The following NSD2 variants were observed in gnomAD, a reference collection of about 807,000 sequenced individuals.
NSD2 encodes histone-lysine N-methyltransferase NSD2.
NSD2 carries 12 observed loss-of-function variants against 139.0 expected under a neutral mutation model. That is an observed-to-expected ratio of 0.09 (90% CI 0.06 to 0.14). NSD2 has a LOEUF of 0.14. NSD2 is among the 10% of genes least tolerant of loss of function. The pLI is 1.00. For missense variants in NSD2, 1,155 were observed against 1,745.0 expected (o/e 0.66, Z 6.02); for synonymous variants, 669 against 648.7 (o/e 1.03, Z -0.48).
chr4:1,969,358 C>T (rs554577379), intron 18 of NSD2, among the ~76,000 whole-genome samples: 18 of 152,212 alleles, frequency 1.2e-4, no homozygotes, highest in Non-Finnish European at 2.1e-4. Context: ...CCAGCCAGTA[C>T]CCGCTCCAAG....
chr4:1,953,225 C>A (rs761882008), intron 11 of NSD2, 99 bp from the exon 12 acceptor site: 1 of 1,601,006 alleles, frequency 6.2e-7, no homozygotes, highest in Non-Finnish European at 8.5e-7. Flanking sequence ...AGCATGGCTG[C>A]CTCTGAAGAG....
intron 18 of NSD2, among the ~76,000 whole-genome samples, chr4:1,968,584 C>T (rs1022832467): frequency 2.6e-5 from 4 of 151,676 alleles, no homozygotes; most frequent in Admixed American, 6.6e-5. Context: ...GTAGAACCTG[C>T]GGGAGGAAGA....
Position 1,963,207 on chromosome 4 carries a change from C to T in NSD2, c.3372+2056C>T, listed in dbSNP as rs549633695. On this transcript the variant is annotated intron_variant, in intron 18 of 21. Coordinates refer to ENST00000508803, the MANE Select transcript of NSD2 (RefSeq NM_001042424.3). ...CAAAAAGGCAAGATGGGAAGCAGGTCCATAAGGGCGAGAGTGGGTTTGTAC... is the reference window on the plus strand; with the variant it reads ...CAAAAAGGCAAGATGGGAAGCAGGTTCATAAGGGCGAGAGTGGGTTTGTAC... 3.3e-5 allele frequency among the ~76,000 whole-genome samples: 5 copies of T among 152,302 alleles called. 2 individuals carry two copies. The highest frequency in any genetic ancestry group is 3.3e-4 in the Admixed American group (5 of 15,302).
chr4:1,944,097 A>G (rs1723379419), intron 9 of NSD2: 10 of 1,066,316 alleles, frequency 9.4e-6, no homozygotes, highest in Non-Finnish European at 1.1e-5. Context: ...GGGTGGGGTG[A>G]CATCGTTCCC....
rs891951317 is a variant in NSD2, at chr4:1,942,903, G to T, written c.1881+3125G>T. The T allele has an allele frequency of 9.4e-7, 1 of 1,058,206 alleles. No individual in the cohort carries two copies. Among genetic ancestry groups the T allele is most frequent in the African/African-American group, 1.7e-5 (1 of 60,564 alleles). The allele number at this position is 1,058,206 out of a possible 1,614,324, so 65.6% of individuals were successfully genotyped here. ...TACTACACTAATTTCCAACATAAGA[G>T]GCAGGAAGAGTTTTGATTCTATCCT... On this transcript the variant is annotated intron_variant, in intron 9 of 21. Transcript: ENST00000508803. The surrounding 1 kb of genome is among the most constrained non-coding windows in gnomAD (Gnocchi z 4.0).
rs914565068 is a variant in NSD2 at position 1,979,291 on chromosome 4, G to C, written c.*382G>C. ...CGTAGGCTTTTCCCAAGGGTCGCTAGAAACTCGTCTTCGCGTTGCCCCCTT... is the reference window on the plus strand; with the variant it reads ...CGTAGGCTTTTCCCAAGGGTCGCTACAAACTCGTCTTCGCGTTGCCCCCTT... On this transcript the variant is annotated 3_prime_UTR_variant, in exon 22 of 22. Coordinates refer to ENST00000508803, the MANE Select transcript of NSD2 (RefSeq NM_001042424.3). 2.8e-5 allele frequency: 7 copies of C among 249,088 alleles called. No individual in the cohort carries two copies. Among genetic ancestry groups the C allele is most frequent in the African/African-American group, 1.5e-4 (7 of 45,994 alleles). The allele number at this position is 249,088 out of a possible 1,614,324, so 15.4% of individuals were successfully genotyped here.
intron 5 of NSD2, chr4:1,918,963 C>G (rs1719771119): frequency 4.9e-6 from 1 of 202,214 alleles, no homozygotes; most frequent in Admixed American, 5.4e-5. Context: ...GCCTGGGCAA[C>G]ATGGTGAAAC....
At chr4:1,938,388 C>CTTTTTTTTTTTTTTTTTTTTTTTTTTCT in intron 7 of NSD2, 63 bp from the exon 8 acceptor site, 3 of 1,129,862 alleles carry the variant, frequency 2.7e-6, no homozygotes, top group South Asian at 2.7e-5. Flanking sequence ...TTTTTTTTTC[C>CTTTTTTTTTTTTTTTTTTTTTTTTTTCT]TTTTTTTCTT....
chr4:1,934,813 C>T (rs1722109320), intron 6 of NSD2, among the ~76,000 whole-genome samples: 2 of 128,072 alleles, frequency 1.6e-5, no homozygotes, highest in Non-Finnish European at 3.1e-5. Context: ...GTGCCACTGC[C>T]CTCCAGCCTG....
At chr4:1,887,250 C>T (rs189446747) in intron 1 of NSD2, among the ~76,000 whole-genome samples, 2 of 152,258 alleles carry the variant, frequency 1.3e-5, no homozygotes, top group East Asian at 3.9e-4. Flanking sequence ...TGGCTGGTTC[C>T]ATGAGGGAGG....
chr4:1,950,376 T>A (rs976943240), intron 9 of NSD2, among the ~76,000 whole-genome samples: 5 of 152,158 alleles, frequency 3.3e-5, no homozygotes, highest in African/African-American at 1.2e-4. Context: ...TAGACTCAGA[T>A]GTGAATCAAG....
At position 1,938,416 on chromosome 4, in the gene NSD2, CTTTTTTTTT is replaced by C. The variant is rs746279426; in HGVS notation, c.1675-18_1675-10del. 49 of 325,844 alleles carry C rather than the reference CTTTTTTTTT, an allele frequency of 1.5e-4. 1 individual carries two copies. The highest frequency in any genetic ancestry group is 9.2e-4 in the African/African-American group (18 of 19,532). The allele number at this position is 325,844 out of a possible 1,614,324, so 20.2% of individuals were successfully genotyped here. ...TTTTTCTTTTCTTTTTTTTTTCTTT[CTTTTTTTTT>C]TTTTTTTTTTTTTTTTAAATAATAG... On this transcript the variant is annotated intron_variant, in intron 7 of 21. Transcript: ENST00000508803.
Position 1,955,846 on chromosome 4 carries a change from A to T in NSD2, c.2672A>T (p.Tyr891Phe). The T allele has an allele frequency of 6.2e-7, 1 of 1,613,924 alleles. No homozygotes were observed. Among genetic ancestry groups the T allele is most frequent in the Non-Finnish European group, 8.5e-7 (1 of 1,179,770 alleles). ...ATCATTTGGGTGAAACTTGGGAACT[A>T]CAGGTGTGAGACATAGAATCGTATG... ...QDIIWVKLGN[Y>F]RWWPAEVCHP... Residue 891 changes from tyrosine to phenylalanine, a missense_variant, in exon 14 of 22, where the codon TAC becomes TTC. Tyr to Phe is a conservative substitution (Grantham distance 22). Transcript: ENST00000508803. This position sits in a 1 kb window ranked among gnomAD's most constrained non-coding sequence, Gnocchi z 4.7.
chr4:1,929,019 G>GGGGGTC, intron 5 of NSD2, among the ~76,000 whole-genome samples: 1 of 152,066 alleles, frequency 6.6e-6, no homozygotes, highest in Non-Finnish European at 1.5e-5. Context: ...GTGGAGTGCT[G>GGGGGTC]GGGGTCAGAG....
At chr4:1,947,624 A>G (rs1246270373) in intron 9 of NSD2, 2 of 1,055,222 alleles carry the variant, frequency 1.9e-6, no homozygotes, top group Non-Finnish European at 2.3e-6. Context: ...ACCTGTTTGA[A>G]ATTAGTCTTG....
At chr4:1,951,915 T>C (rs1029712002) in intron 10 of NSD2, 193 bp from the exon 11 acceptor site, 9 of 838,022 alleles carry the variant, frequency 1.1e-5, no homozygotes, top group Non-Finnish European at 1.6e-5. Context: ...GTAACAGTCA[T>C]CTGGTTTTAA....
chr4:1,905,621 C>G (rs1717791261), intron 3 of NSD2, among the ~76,000 whole-genome samples: 1 of 152,202 alleles, frequency 6.6e-6, no homozygotes, highest in African/African-American at 2.4e-5. Flanking sequence ...TACAGAGGTG[C>G]CTCCCTGGCA....
At chr4:1,925,699 T>A (rs1720805083) in intron 5 of NSD2, among the ~76,000 whole-genome samples, 1 of 151,924 alleles carries the variant, frequency 6.6e-6, no homozygotes, top group Admixed American at 6.6e-5. Context: ...GCACCCAGCC[T>A]AGAGGTCACT....
chr4:1,915,235 C>T (rs1344525310), intron 3 of NSD2, among the ~76,000 whole-genome samples: 1 of 151,118 alleles, frequency 6.6e-6, no homozygotes, highest in Non-Finnish European at 1.5e-5. Context: ...CCTGCCTCAG[C>T]CTCCTGTGTA....
Sources: allele counts gnomAD v4.1 joint callset (sites outside exome capture counted in the v4.1 genomes callset), GRCh38; gene constraint gnomAD v4.1.1; non-coding constraint Gnocchi (gnomAD v3.1); transcripts MANE v1.5; gene names NCBI Gene and HGNC (gene_info 2026-07-23, HGNC 2026-07-21).